Variants in URGCP observed in about 807,000 individuals in gnomAD.
URGCP encodes upregulator of cell proliferation, also known as up-regulator of cell proliferation.
Under a neutral mutation model 24.6 loss-of-function variants are expected in URGCP, and 13 were observed. The observed-to-expected ratio is 0.53, with a 90% CI of 0.34 to 0.84. URGCP has a LOEUF of 0.84. URGCP is among the 40% of genes least tolerant of loss of function. The pLI, the probability that URGCP is intolerant of heterozygous loss-of-function variation, is 0.01. For synonymous variants in URGCP, 444 were observed against 487.2 expected (o/e 0.91, Z 1.17); for missense variants, 899 against 1,194.3 (o/e 0.75, Z 3.64).
chr7:43,895,028 T>C (rs1276021051), intron 1 of URGCP, among the ~76,000 whole-genome samples: 3 of 151,920 alleles, frequency 2.0e-5, no homozygotes, highest in Non-Finnish European at 4.4e-5. Context: ...AGACTCTGTC[T>C]CAAATTTAAA....
At chr7:43,906,644 G>C (rs1302891808), upstream of URGCP, 1 of 1,157,128 alleles carries the variant, frequency 8.6e-7, no homozygotes, top group Non-Finnish European at 1.1e-6. Flanking sequence ...GCGCCGGGGA[G>C]GGGCCTGGCC....
intron 1 of URGCP, among the ~76,000 whole-genome samples, chr7:43,895,887 ATGTTTAATATAGCAC>A (rs372596964): frequency 5.9e-5 from 9 of 152,246 alleles, no homozygotes; most frequent in African/African-American, 2.2e-4. Flanking sequence ...ATGTGCACCC[ATGTTTAATATAGCAC>A]TATTCACAAT....
upstream of URGCP, among the ~76,000 whole-genome samples, chr7:43,908,310 T>C (rs2095906425): frequency 6.6e-6 from 1 of 152,116 alleles, no homozygotes; most frequent in Admixed American, 6.6e-5. Context: ...ACTCCCAACC[T>C]CAGGTGATCT....
chr7:43,913,107 T>C (rs564277206), intron 1 of URGCP, among the ~76,000 whole-genome samples: 1 of 152,338 alleles, frequency 6.6e-6, no homozygotes, highest in South Asian at 2.1e-4. Context: ...CACCTTGGCC[T>C]CCCTAAGTGC....
At position 43,877,282 on chromosome 7, in the gene URGCP, C is replaced by G; in HGVS notation, c.2181G>C (p.Gly727=). 2 of 1,613,768 alleles carry G rather than the reference C, an allele frequency of 1.2e-6. No individual in the cohort carries two copies. The highest frequency in any genetic ancestry group is 3.3e-4 in the Middle Eastern group (2 of 6,062). Residue 727 remains glycine (G), a synonymous_variant, in exon 6 of 6, where the codon GGG becomes GGC. Coordinates refer to ENST00000453200, the MANE Select transcript of URGCP (RefSeq NM_001077663.3). The part of the protein sequence containing the change: ...FATGKSCGPR[G]AFMQLITVAE... ...CCACTGTGATGAGCTGCATGAAGGC[C>G]CCTCGAGGACCGCAGCTCTTCCCTG...
chr7:43,919,639 A>C (rs2095919836), intron 1 of URGCP: 1 of 1,378,562 alleles, frequency 7.3e-7, no homozygotes, highest in Non-Finnish European at 1.0e-6. Context: ...CGCCAGACCA[A>C]CCACTCCTAC....
chr7:43,883,649 C>A (rs979300862), intron 3 of URGCP, among the ~76,000 whole-genome samples: 1 of 152,084 alleles, frequency 6.6e-6, no homozygotes, highest in East Asian at 1.9e-4. Flanking sequence ...GCGTGAGCCA[C>A]CTTGCCCGGC....
chr7:43,922,635 C>G (rs1191769117), intron 1 of URGCP, among the ~76,000 whole-genome samples: 2 of 152,180 alleles, frequency 1.3e-5, no homozygotes, highest in African/African-American at 4.8e-5. Context: ...ATGGGGCTCA[C>G]AGCAACCTCA....
intron 1 of URGCP, chr7:43,926,027 T>G (rs887649315): frequency 1.3e-5 from 2 of 152,112 alleles, no homozygotes; most frequent in African/African-American, 2.4e-5. Context: ...CACGGAGATC[T>G]CCAAAACTGC....
At position 43,878,799 on chromosome 7, in the gene URGCP, T is replaced by A; in HGVS notation, c.664A>T (p.Asn222Tyr). 1 of 1,614,016 alleles carries A rather than the reference T, an allele frequency of 6.2e-7. No individual in the cohort carries two copies. Among genetic ancestry groups the A allele is most frequent in the Non-Finnish European group, 8.5e-7 (1 of 1,179,934 alleles). Residue 222 changes from asparagine (N) to tyrosine (Y), a missense_variant, in exon 6 of 6, where the codon AAC (asparagine) becomes TAC (tyrosine). By Grantham distance (143) the Asn-to-Tyr change is moderately radical. Transcript: ENST00000453200. The surrounding 1 kb of genome is among the most constrained non-coding windows in gnomAD (Gnocchi z 5.6). ...ALPLVLPDSE[N>Y]HYHTFLLWAM... ...CACAGCAGAAATGTATGGTAGTGGT[T>A]CTCCGAGTCAGGCAACACGAGTGGG...
intron 1 of URGCP, among the ~76,000 whole-genome samples, chr7:43,900,327 C>T (rs531319314): frequency 2.0e-5 from 3 of 151,128 alleles, no homozygotes; most frequent in South Asian, 2.1e-4. Context: ...TGGTGGTGCA[C>T]GCCTGTAATC....
intron 1 of URGCP, among the ~76,000 whole-genome samples, chr7:43,900,691 A>G (rs2095888986): frequency 6.6e-6 from 1 of 152,118 alleles, no homozygotes; most frequent in South Asian, 2.1e-4. Context: ...GGCTCAAGCC[A>G]TCTTCTGCCT....
chr7:43,906,584 C>T lies in URGCP; in HGVS notation c.-9G>A. The T allele has an allele frequency of 8.1e-7, 1 of 1,236,458 alleles. No homozygotes were observed. The highest frequency in any genetic ancestry group is 3.7e-5 in the East Asian group (1 of 26,852). The allele number at this position is 1,236,458 out of a possible 1,614,324, so 76.6% of individuals were successfully genotyped here. A position where few individuals can be genotyped will look rare whatever the true frequency, so the allele number is the denominator to read the frequency against. ...CACCCGGGCGACGCCATGAGCGCAG[C>T]GAGGTCTCCGCTCCCGCCTCCTTCG... On this transcript the variant is annotated 5_prime_UTR_variant, in exon 1 of 6. Coordinates refer to ENST00000453200, the MANE Select transcript of URGCP (RefSeq NM_001077663.3).
At chr7:43,924,985 C>T (rs984371989) in intron 1 of URGCP, among the ~76,000 whole-genome samples, 2 of 152,036 alleles carry the variant, frequency 1.3e-5, no homozygotes, top group Non-Finnish European at 2.9e-5. Flanking sequence ...TCTAGAACTC[C>T]TGGACTAAGG....
At chr7:43,892,192 A>G (rs1318749431) in intron 1 of URGCP, among the ~76,000 whole-genome samples, 1 of 150,662 alleles carries the variant, frequency 6.6e-6, no homozygotes, top group East Asian at 1.9e-4. Context: ...TGTGGGGAAT[A>G]CAGGTGTGAG....
At chr7:43,891,512 G>A (rs756153575) in intron 1 of URGCP, among the ~76,000 whole-genome samples, 37 of 152,036 alleles carry the variant, frequency 2.4e-4, no homozygotes, top group Non-Finnish European at 5.0e-4. Flanking sequence ...ATCTTCCTGC[G>A]CCCAGCTATC....
chr7:43,884,078 C>T (rs2095858647), intron 3 of URGCP, among the ~76,000 whole-genome samples: 1 of 152,166 alleles, frequency 6.6e-6, no homozygotes, highest in African/African-American at 2.4e-5. Context: ...CAGGAGTAAC[C>T]TCCAGACCCA....
intron 1 of URGCP, among the ~76,000 whole-genome samples, chr7:43,892,663 C>T (rs533091190): frequency 3.4e-4 from 52 of 152,246 alleles, no homozygotes; most frequent in African/African-American, 1.2e-3. Flanking sequence ...AAATCACACC[C>T]TATCTCCAAA....
chr7:43,887,272 A>T, intron 3 of URGCP, 143 bp downstream of exon 3: 1 of 931,362 alleles, frequency 1.1e-6, no homozygotes, highest in Non-Finnish European at 1.5e-6. Context: ...CTTCTTGTAA[A>T]AGGAAAAATA....
Sources: gnomAD v4.1 joint callset for allele counts (sites outside exome capture counted in the v4.1 genomes callset) on GRCh38, gnomAD v4.1.1 for gene constraint, Gnocchi (gnomAD v3.1) non-coding constraint, MANE v1.5 for transcripts, NCBI Gene and HGNC (gene_info 2026-07-23, HGNC 2026-07-21) for gene names.